The following RSBN1L variants were observed in gnomAD, a reference collection of about 807,000 sequenced individuals.
RSBN1L encodes lysine-specific demethylase RSBN1L.
RSBN1L carries 30 observed loss-of-function variants against 67.7 expected under a neutral mutation model. That is an observed-to-expected ratio of 0.44 (90% confidence interval 0.33 to 0.60). The LOEUF (loss-of-function observed/expected upper bound fraction) is 0.60, where lower values mean the gene tolerates loss of function less well. RSBN1L is among the 20% of genes least tolerant of loss of function. RSBN1L has a pLI of 0.02. For synonymous variants in RSBN1L, 433 were observed against 387.0 expected (o/e 1.12, Z -1.39); for missense variants, 992 against 1,031.7 (o/e 0.96, Z 0.53).
chr7:77,710,656 C>A (rs143897193), intron 1 of RSBN1L, among the ~76,000 whole-genome samples: 393 of 152,010 alleles, frequency 2.6e-3, no homozygotes, highest in African/African-American at 9.1e-3. Context: ...AGTGTAGTGG[C>A]GCGATCTTGG....
intron 3 of RSBN1L, among the ~76,000 whole-genome samples, chr7:77,758,918 A>C (rs1791660029): frequency 6.6e-6 from 1 of 152,232 alleles, no homozygotes; most frequent in Non-Finnish European, 1.5e-5. Context: ...GAGAATGTGA[A>C]AACTGGAGTA....
intron 1 of RSBN1L, among the ~76,000 whole-genome samples, chr7:77,706,283 G>T (rs1284287281): frequency 6.6e-6 from 1 of 152,044 alleles, no homozygotes; most frequent in African/African-American, 2.4e-5. Flanking sequence ...TCACCATGTT[G>T]TCCAGGCTGG....
At chr7:77,744,222 G>A (rs906041946) in intron 2 of RSBN1L, among the ~76,000 whole-genome samples, 1 of 151,650 alleles carries the variant, frequency 6.6e-6, no homozygotes, top group Non-Finnish European at 1.5e-5. Flanking sequence ...ATTTTGTAGA[G>A]ACAGGGTCTC....
At chr7:77,716,074 T>C (rs1791044461) in intron 1 of RSBN1L, among the ~76,000 whole-genome samples, 1 of 152,208 alleles carries the variant, frequency 6.6e-6, no homozygotes, top group Admixed American at 6.5e-5. Flanking sequence ...CAGTTTTTCA[T>C]AGCAGAAATT....
chr7:77,724,584 C>T (rs180794342), intron 1 of RSBN1L, among the ~76,000 whole-genome samples: 8 of 151,616 alleles, frequency 5.3e-5, no homozygotes, highest in Non-Finnish European at 1.2e-4. Context: ...CATCACCATG[C>T]CCAGCTAATT....
chr7:77,762,414 AT>A (rs1791707640), intron 3 of RSBN1L, among the ~76,000 whole-genome samples: 1 of 152,172 alleles, frequency 6.6e-6, no homozygotes, highest in African/African-American at 2.4e-5. Context: ...TATGTTAAAC[AT>A]TTTAATGTTT....
intron 1 of RSBN1L, among the ~76,000 whole-genome samples, chr7:77,732,188 A>G (rs1237621838): frequency 6.6e-6 from 1 of 152,250 alleles, no homozygotes; most frequent in Non-Finnish European, 1.5e-5. Flanking sequence ...GGATAAAACC[A>G]TACAAATTCT....
At chr7:77,711,316 A>G (rs1470693159) in intron 1 of RSBN1L, among the ~76,000 whole-genome samples, 3 of 143,450 alleles carry the variant, frequency 2.1e-5, no homozygotes, top group Non-Finnish European at 4.5e-5. Context: ...GATATTTTGC[A>G]TATTAATTTT....
At chr7:77,771,625 T>A (rs1791851312) in intron 5 of RSBN1L, among the ~76,000 whole-genome samples, 1 of 151,280 alleles carries the variant, frequency 6.6e-6, no homozygotes, top group South Asian at 2.1e-4. Flanking sequence ...TTCTCCTGCC[T>A]CAGCCTCCTC....
intron 1 of RSBN1L, among the ~76,000 whole-genome samples, chr7:77,734,849 A>C (rs1227284007): frequency 6.6e-6 from 1 of 152,176 alleles, no homozygotes; most frequent in Non-Finnish European, 1.5e-5. Flanking sequence ...CTTTAACATC[A>C]GAAAGTAAGA....
chr7:77,705,658 C>A (rs1790882469), intron 1 of RSBN1L, among the ~76,000 whole-genome samples: 1 of 151,810 alleles, frequency 6.6e-6, no homozygotes, highest in Non-Finnish European at 1.5e-5. Flanking sequence ...ATTACGGGCG[C>A]ATGCCACCAT....
chr7:77,718,336 C>T (rs1268427297), intron 1 of RSBN1L, among the ~76,000 whole-genome samples: 1 of 152,188 alleles, frequency 6.6e-6, no homozygotes, highest in African/African-American at 2.4e-5. Context: ...CTGAGTCTCA[C>T]TGTTGCCTAG....
chr7:77,732,418 T>C (rs989403105), intron 1 of RSBN1L, among the ~76,000 whole-genome samples: 10 of 152,142 alleles, frequency 6.6e-5, no homozygotes, highest in African/African-American at 2.2e-4. Context: ...CTGCAACCTC[T>C]GCCTCCTGGG....
chr7:77,742,603 C>T (rs940888741), intron 2 of RSBN1L, among the ~76,000 whole-genome samples: 1 of 151,812 alleles, frequency 6.6e-6, no homozygotes, highest in Non-Finnish European at 1.5e-5. Flanking sequence ...TTTGGGAGGC[C>T]GAGGCACGCA....
At chr7:77,706,877 TAAA>T (rs1790899576) in intron 1 of RSBN1L, among the ~76,000 whole-genome samples, 1 of 152,120 alleles carries the variant, frequency 6.6e-6, no homozygotes, top group African/African-American at 2.4e-5. Flanking sequence ...TGGCCAAAAA[TAAA>T]AAAGCCCTGC....
chr7:77,767,665 G>A (rs1212020376), intron 4 of RSBN1L, among the ~76,000 whole-genome samples: 4 of 150,650 alleles, frequency 2.7e-5, no homozygotes, highest in Non-Finnish European at 4.4e-5. Flanking sequence ...CTGAGCCACC[G>A]TGCCCGGCCA....
intron 3 of RSBN1L, among the ~76,000 whole-genome samples, chr7:77,762,822 G>GT (rs1791712844): frequency 6.6e-6 from 1 of 151,922 alleles, no homozygotes. Flanking sequence ...TAATGTTATA[G>GT]TTTTTTGGTT....
intron 1 of RSBN1L, among the ~76,000 whole-genome samples, chr7:77,727,785 C>T (rs1164611571): frequency 1.3e-5 from 2 of 152,062 alleles, no homozygotes; most frequent in Non-Finnish European, 2.9e-5. Context: ...ACTTTTATAA[C>T]CTAGCTTCTT....
intron 2 of RSBN1L, among the ~76,000 whole-genome samples, chr7:77,743,639 T>G (rs909712594): frequency 3.0e-4 from 46 of 152,238 alleles, no homozygotes; most frequent in African/African-American, 1.1e-3. Context: ...TTTAACCTTT[T>G]TTGGTGTTAG....
Sources: gnomAD v4.1 joint callset for allele counts (sites outside exome capture counted in the v4.1 genomes callset) on GRCh38, gnomAD v4.1.1 for gene constraint, MANE v1.5 for transcripts, NCBI Gene and HGNC (gene_info 2026-07-23, HGNC 2026-07-21) for gene names.